The following HIP1 variants were observed in gnomAD, a reference collection of about 807,000 sequenced individuals.
The protein encoded by HIP1 is huntingtin interacting protein 1, also known as huntingtin-interacting protein 1.
HIP1 carries 65 observed loss-of-function variants against 147.6 expected under a neutral mutation model. That is an observed-to-expected ratio of 0.44 (90% CI 0.36 to 0.54). The LOEUF is 0.54. Among genes scored for constraint, HIP1 ranks in the 20% least tolerant of loss-of-function variants. The pLI is 0.00. For synonymous variants in HIP1, 479 were observed against 504.0 expected (o/e 0.95, Z 0.67); for missense variants, 1,061 against 1,299.6 (o/e 0.82, Z 2.82).
Position 75,595,223 on chromosome 7 carries a change from T to C in HIP1, c.185-2709A>G, listed in dbSNP as rs372700032. ...TTCTTTCTTTCTTTCTTTCTTTCTTTCTTTCTTTCTTTCTTTCTTTCTTTC... is the reference window on the plus strand; with the variant it reads ...TTCTTTCTTTCTTTCTTTCTTTCTTCCTTTCTTTCTTTCTTTCTTTCTTTC... On this transcript the variant is annotated intron_variant, in intron 2 of 30. Coordinates refer to ENST00000336926, the MANE Select transcript of HIP1 (RefSeq NM_005338.7). Among the ~76,000 whole-genome samples, 12 of 97,176 alleles carry C rather than the reference T, an allele frequency of 1.2e-4. No homozygotes were observed. The East Asian group carries it at 2.0e-3, about 16-fold the overall frequency. The allele number at this position is 97,176 out of a possible 152,430, so 63.8% of individuals were successfully genotyped here. A position where few individuals can be genotyped will look rare whatever the true frequency, so the allele number is the denominator to read the frequency against.
At position 75,592,103 on chromosome 7, in the gene HIP1, C is replaced by G. The variant is rs1554500903; in HGVS notation, c.337G>C (p.Asp113His). ...LRDGHPNVLK[D>H]SLRYRNELSD... ...AATTCATTTCTGTATCTCAGAGAGT[C>G]CTTCAGGACCTGCAGGGGCAAAAGA... The change falls in exon 4 of 31, where the codon GAC becomes CAC. Residue 113 changes from aspartate (D) to histidine (H), a missense_variant. Transcript: ENST00000336926. 6.2e-7 allele frequency: 1 copy of G among 1,613,890 alleles called. No homozygotes were observed. The highest frequency in any genetic ancestry group is 8.5e-7 in the Non-Finnish European group (1 of 1,179,784).
At chr7:75,654,174 C>A (rs1453488381) in intron 1 of HIP1, among the ~76,000 whole-genome samples, 4 of 152,236 alleles carry the variant, frequency 2.6e-5, no homozygotes, top group African/African-American at 9.6e-5. Flanking sequence ...GCGGGCGGAT[C>A]ACCTGAGGTC....
intron 1 of HIP1, among the ~76,000 whole-genome samples, chr7:75,643,227 A>AGGGCCTTAAGT (rs1554510705): frequency 2.6e-5 from 4 of 152,246 alleles, no homozygotes. Context: ...TGCTTATGAA[A>AGGGCCTTAAGT]GGGCCTTAAG....
At chr7:75,654,065 A>G (rs17353131) in intron 1 of HIP1, among the ~76,000 whole-genome samples, 23,674 of 152,108 alleles carry the variant, frequency 0.16, 2,195 homozygotes, top group Middle Eastern at 0.22. Flanking sequence ...CTTACAGAGC[A>G]CTAATGACAC....
chr7:75,701,308 C>T (rs1021858319), intron 1 of HIP1, among the ~76,000 whole-genome samples: 30 of 152,192 alleles, frequency 2.0e-4, no homozygotes, highest in African/African-American at 7.0e-4. Context: ...GCAGGAGAAT[C>T]GCTTGAACCT....
At chr7:75,545,259 T>C in intron 25 of HIP1, 71 bp from the exon 26 acceptor site, 1 of 840,652 alleles carries the variant, frequency 1.2e-6, no homozygotes, top group African/African-American at 1.7e-5. Context: ...CTTTTATACA[T>C]ATATTATCCC....
At chr7:75,712,809 C>G (rs113065930) in intron 1 of HIP1, among the ~76,000 whole-genome samples, 1 of 152,108 alleles carries the variant, frequency 6.6e-6, no homozygotes, top group African/African-American at 2.4e-5. Context: ...CATTCACTCA[C>G]TCATTTACTC....
chr7:75,573,992 C>T, intron 7 of HIP1, 91 bp from the exon 8 acceptor site: 1 of 1,107,536 alleles, frequency 9.0e-7, no homozygotes. Flanking sequence ...CCAACATACA[C>T]CAAGGACCGA....
intron 1 of HIP1, among the ~76,000 whole-genome samples, chr7:75,711,817 C>T (rs1859292): frequency 0.44 from 66,685 of 151,880 alleles, 14,893 homozygotes; most frequent in Admixed American, 0.5. Flanking sequence ...CCCTTATCAC[C>T]TGCTGCTTGT....
chr7:75,550,394 T>C (rs1361693653), intron 22 of HIP1, among the ~76,000 whole-genome samples: 1 of 152,144 alleles, frequency 6.6e-6, no homozygotes, highest in South Asian at 2.1e-4. Context: ...TTCAAGAGCG[T>C]GGTTGTTGTG....
At chr7:75,629,869 C>T (rs1415148880) in intron 1 of HIP1, among the ~76,000 whole-genome samples, 1 of 152,132 alleles carries the variant, frequency 6.6e-6, no homozygotes, top group Admixed American at 6.6e-5. Flanking sequence ...CACAGCTCTT[C>T]CAGGTATCAC....
At chr7:75,664,678 T>C (rs1799502669) in intron 1 of HIP1, among the ~76,000 whole-genome samples, 2 of 151,432 alleles carry the variant, frequency 1.3e-5, no homozygotes, top group Non-Finnish European at 2.9e-5. Context: ...TGGAGTGCAG[T>C]AGTACAATCT....
intron 14 of HIP1, among the ~76,000 whole-genome samples, chr7:75,559,324 C>T (rs940423370): frequency 5.9e-5 from 9 of 152,108 alleles, no homozygotes; most frequent in South Asian, 4.1e-4. Flanking sequence ...CTATGTTGCC[C>T]GGGTTGGTCT....
chr7:75,688,504 C>A (rs997059016), intron 1 of HIP1, among the ~76,000 whole-genome samples: 2 of 152,074 alleles, frequency 1.3e-5, no homozygotes, highest in Non-Finnish European at 2.9e-5. Context: ...CAAGTGCAGC[C>A]CGGCTGACAG....
intron 1 of HIP1, among the ~76,000 whole-genome samples, chr7:75,610,465 C>A (rs1216739485): frequency 6.6e-6 from 1 of 152,048 alleles, no homozygotes; most frequent in Non-Finnish European, 1.5e-5. Flanking sequence ...CCCCAACAGC[C>A]TCCCAAAGTA....
In HIP1 at chr7:75,533,981, A is replaced by G; in HGVS notation, c.*4191T>C. The G allele has an allele frequency of 4.3e-6, 1 of 232,196 alleles. No individual in the cohort carries two copies. The highest frequency in any genetic ancestry group is 8.5e-6 in the Non-Finnish European group (1 of 117,410). 14.4% of individuals were successfully genotyped at this position (232,196 alleles called of 1,614,324 possible). On this transcript the variant is annotated 3_prime_UTR_variant, in exon 31 of 31. Transcript: ENST00000336926. Reference sequence around the variant, plus strand: ...GTTGGAACTGGAGGCTTTCCCTGGCAGGATTTCCAGAGATTTGGAAAGGTG... The same window carrying G: ...GTTGGAACTGGAGGCTTTCCCTGGCGGGATTTCCAGAGATTTGGAAAGGTG...
At chr7:75,588,019 G>C (rs1158099282) in intron 4 of HIP1, among the ~76,000 whole-genome samples, 3 of 152,022 alleles carry the variant, frequency 2.0e-5, no homozygotes, top group Non-Finnish European at 4.4e-5. Context: ...CTTGGTATAG[G>C]GGAAGTAAAG....
chr7:75,594,727 T>C (rs1796626154), intron 2 of HIP1, among the ~76,000 whole-genome samples: 1 of 152,094 alleles, frequency 6.6e-6, no homozygotes, highest in Non-Finnish European at 1.5e-5. Flanking sequence ...TGAGCCAAGA[T>C]TGCACCACTG....
intron 1 of HIP1, among the ~76,000 whole-genome samples, chr7:75,718,600 C>T (rs1357728343): frequency 6.6e-6 from 1 of 152,222 alleles, no homozygotes; most frequent in Non-Finnish European, 1.5e-5. Context: ...TTGGAGCCAA[C>T]GTTCTTCCTG....
Sources: allele counts gnomAD v4.1 joint callset (sites outside exome capture counted in the v4.1 genomes callset), GRCh38; gene constraint gnomAD v4.1.1; transcripts MANE v1.5; gene names NCBI Gene and HGNC (gene_info 2026-07-23, HGNC 2026-07-21).